SYT1: variants seen among roughly 807,000 people sequenced by gnomAD.
SYT1 encodes the protein synaptotagmin 1.
A neutral mutation model predicts 44.8 loss-of-function variants in SYT1; 8 were observed. The ratio of observed to expected loss-of-function variants is 0.18; its 90% CI spans 0.10 to 0.32. The LOEUF is 0.32. Among genes scored for constraint, SYT1 ranks in the 10% least tolerant of loss-of-function variants. The pLI, the probability that SYT1 is intolerant of heterozygous loss-of-function variation, is 1.00. For synonymous variants in SYT1, 154 were observed against 188.8 expected, an observed-to-expected ratio of 0.82 and a Z score of 1.51; for missense variants, 286 against 509.3, an observed-to-expected ratio of 0.56 and a Z score of 4.22.
intron 1 of SYT1, among the ~76,000 whole-genome samples, chr12:78,902,781 T>A (rs1875734961): frequency 6.6e-6 from 1 of 152,146 alleles, no homozygotes. Flanking sequence ...GTTGGTTATT[T>A]TACTGGCAAC....
At chr12:79,343,595 C>A (rs1882471822) in intron 8 of SYT1, among the ~76,000 whole-genome samples, 1 of 152,156 alleles carries the variant, frequency 6.6e-6, no homozygotes, top group Non-Finnish European at 1.5e-5. Flanking sequence ...TACAAAGTCA[C>A]TGAGGAATCT....
chr12:79,406,027 A>G (rs1885231289), intron 9 of SYT1, among the ~76,000 whole-genome samples: 1 of 152,162 alleles, frequency 6.6e-6, no homozygotes, highest in Non-Finnish European at 1.5e-5. Context: ...CAAGAATGAC[A>G]GGAAAGTAAT....
At chr12:79,349,027 G>GAA (rs1272308426) in intron 8 of SYT1, among the ~76,000 whole-genome samples, 3 of 85,612 alleles carry the variant, frequency 3.5e-5, no homozygotes, top group African/African-American at 4.4e-5. Flanking sequence ...AAGAAAGAAA[G>GAA]AAAGAAAAAG....
At chr12:79,317,456 G>C (rs1040458593) in intron 8 of SYT1, among the ~76,000 whole-genome samples, 1 of 152,174 alleles carries the variant, frequency 6.6e-6, no homozygotes, top group African/African-American at 2.4e-5. Flanking sequence ...CAGCAAGATT[G>C]TGAACAAGAG....
chr12:78,958,634 G>A (rs545167630), intron 1 of SYT1, among the ~76,000 whole-genome samples: 93 of 152,040 alleles, frequency 6.1e-4, no homozygotes, highest in South Asian at 5.8e-3. Context: ...GGCAGAGGTT[G>A]CAGTGAGTCA....
intron 1 of SYT1, among the ~76,000 whole-genome samples, chr12:78,898,908 A>G (rs532142459): frequency 2.0e-4 from 30 of 152,264 alleles, no homozygotes; most frequent in Admixed American, 1.6e-3. Context: ...TTCTTTAAAA[A>G]GCATGTTTTC....
At chr12:79,084,861 G>A (rs942842402) in intron 3 of SYT1, among the ~76,000 whole-genome samples, 3 of 152,032 alleles carry the variant, frequency 2.0e-5, no homozygotes, top group African/African-American at 7.2e-5. Context: ...TACAGGTTGA[G>A]TATCCTGTAG....
Position 79,412,331 on chromosome 12 carries a change from C to T in SYT1, c.929-31742C>T, listed in dbSNP as rs1193507856. Among the ~76,000 whole-genome samples the T allele has an allele frequency of 2.0e-5, 3 of 152,210 alleles. No homozygotes were observed. In the East Asian group the frequency reaches 5.8e-4, roughly 29 times the overall value. ...CTCTTCCCTTACCAGTCAAGTGTCC[C>T]TATAAGGTAATATACCAGTTAAACT... On this transcript the variant is annotated intron_variant, in intron 9 of 10. Transcript: ENST00000261205.
At chr12:79,421,821 G>T (rs1004568099) in intron 9 of SYT1, among the ~76,000 whole-genome samples, 2 of 151,774 alleles carry the variant, frequency 1.3e-5, no homozygotes, top group Non-Finnish European at 2.9e-5. Context: ...AATCAGGGCT[G>T]TGTTAAGCAT....
At chr12:79,184,593 A>G (rs1282783745) in intron 3 of SYT1, among the ~76,000 whole-genome samples, 1 of 152,056 alleles carries the variant, frequency 6.6e-6, no homozygotes, top group African/African-American at 2.4e-5. Context: ...GTTGTCACCA[A>G]CAGATAATTA....
chr12:79,242,798 T>G (rs1390812378), intron 4 of SYT1, among the ~76,000 whole-genome samples: 4 of 152,218 alleles, frequency 2.6e-5, no homozygotes, highest in African/African-American at 9.7e-5. Flanking sequence ...ATATGTAACT[T>G]GTATTGCACG....
intron 1 of SYT1, among the ~76,000 whole-genome samples, chr12:78,884,320 T>C (rs1874618280): frequency 6.6e-6 from 1 of 151,636 alleles, no homozygotes; most frequent in South Asian, 2.1e-4. Context: ...AATAGCTATA[T>C]CTACTGCTTT....
At chr12:79,212,211 G>A (rs1323775855) in intron 3 of SYT1, among the ~76,000 whole-genome samples, 1 of 152,106 alleles carries the variant, frequency 6.6e-6, no homozygotes, top group African/African-American at 2.4e-5. Context: ...GTCCTTTGCA[G>A]GGACATGGAT....
intron 2 of SYT1, among the ~76,000 whole-genome samples, chr12:79,006,577 G>A (rs1871101364): frequency 6.6e-6 from 1 of 152,112 alleles, no homozygotes; most frequent in Non-Finnish European, 1.5e-5. Flanking sequence ...CATCTTCTGA[G>A]AGCCCCTGAA....
At chr12:79,389,995 C>G (rs1044425641) in intron 9 of SYT1, among the ~76,000 whole-genome samples, 1 of 151,522 alleles carries the variant, frequency 6.6e-6, no homozygotes, top group South Asian at 2.1e-4. Flanking sequence ...TGCAGCGGCG[C>G]GATCTTGGCT....
intron 1 of SYT1, among the ~76,000 whole-genome samples, chr12:78,873,273 A>T (rs1403032945): frequency 6.6e-6 from 1 of 151,700 alleles, no homozygotes; most frequent in African/African-American, 2.4e-5. Flanking sequence ...ATGTTTTGTA[A>T]TTCTCTTACT....
At chr12:78,978,444 G>C (rs1452484885) in intron 2 of SYT1, among the ~76,000 whole-genome samples, 1 of 152,114 alleles carries the variant, frequency 6.6e-6, no homozygotes, top group East Asian at 1.9e-4. Context: ...TTCATATATG[G>C]CTAATTCAAC....
At chr12:78,940,076 T>C (rs1878268186) in intron 1 of SYT1, among the ~76,000 whole-genome samples, 1 of 152,194 alleles carries the variant, frequency 6.6e-6, no homozygotes. Context: ...AAGCAGCATT[T>C]GCCATCTCTC....
chr12:79,234,877 A>T (rs1043231672), intron 4 of SYT1, among the ~76,000 whole-genome samples: 10 of 151,792 alleles, frequency 6.6e-5, no homozygotes, highest in Admixed American at 5.9e-4. Flanking sequence ...TGCCCAGCTA[A>T]TTTTTGTATT....
Sources: gnomAD v4.1 joint callset for allele counts (sites outside exome capture counted in the v4.1 genomes callset) on GRCh38, gnomAD v4.1.1 for gene constraint, MANE v1.5 for transcripts, NCBI Gene and HGNC (gene_info 2026-07-23, HGNC 2026-07-21) for gene names.